Variants in RTN4 observed in about 807,000 individuals in gnomAD.
The protein encoded by RTN4 is reticulon 4, also known as reticulon-4.
RTN4 carries 32 observed loss-of-function variants against 90.4 expected under a neutral mutation model. That is an observed-to-expected ratio of 0.35 (90% CI 0.27 to 0.48). The LOEUF (loss-of-function observed/expected upper bound fraction) is 0.48, where lower values mean the gene tolerates loss of function less well. Ranked by LOEUF, RTN4 falls within the 20% of genes least tolerant of loss-of-function variation. RTN4 has a pLI of 0.99. For synonymous variants in RTN4, 629 were observed against 552.5 expected (o/e 1.14, Z -1.94); for missense variants, 1,706 against 1,430.2 (o/e 1.19, Z -3.11).
chr2:55,054,845 C>A (rs1250194672), upstream of RTN4, among the ~76,000 whole-genome samples: 6 of 152,220 alleles, frequency 3.9e-5, no homozygotes, highest in East Asian at 1.2e-3. Flanking sequence ...AAGTTGTTGT[C>A]CCTATCATTT....
chr2:55,016,339 T>G (rs1681035077), intron 3 of RTN4, among the ~76,000 whole-genome samples: 1 of 152,202 alleles, frequency 6.6e-6, no homozygotes, highest in Non-Finnish European at 1.5e-5. Flanking sequence ...TCCCAGCACT[T>G]TGGGAGGCCA....
intron 1 of RTN4, chr2:55,112,448 T>G (rs1329075364): frequency 6.6e-5 from 10 of 152,298 alleles, no homozygotes. Context: ...TTAGAGCAGC[T>G]GCACTTTCCA....
chr2:55,063,290 G>A (rs1480038095), intron 2 of RTN4, among the ~76,000 whole-genome samples: 1 of 152,234 alleles, frequency 6.6e-6, no homozygotes, highest in African/African-American at 2.4e-5. Context: ...TTCGCAAGGA[G>A]GTTACATTTA....
intron 3 of RTN4, among the ~76,000 whole-genome samples, chr2:54,994,232 A>ACT (rs1448326158): frequency 6.6e-6 from 1 of 152,212 alleles, no homozygotes; most frequent in African/African-American, 2.4e-5. Flanking sequence ...TTAACTTAGA[A>ACT]GTTTGTTCAA....
chr2:54,973,810 T>A lies in RTN4; in HGVS notation c.3477+11A>T. 2 of 1,612,282 alleles carry A rather than the reference T, an allele frequency of 1.2e-6. No homozygotes were observed. Among genetic ancestry groups the A allele is most frequent in the Middle Eastern group, 1.7e-4 (1 of 6,054 alleles). ...CTCTATTCTGAAGTCAGCAGTTAGT[T>A]AGGAAATTACCTGATGCCGTTCATA... On this transcript the variant is annotated intron_variant, in intron 7 of 8. Transcript: ENST00000337526.
At chr2:54,973,943 A>G in intron 6 of RTN4, 76 bp from the exon 7 acceptor site, 1 of 1,275,082 alleles carries the variant, frequency 7.8e-7, no homozygotes, top group Non-Finnish European at 1.1e-6. Flanking sequence ...AAACTATTAA[A>G]CTGGCAACTC....
chr2:55,133,250 T>C, the RTN4 span, among the ~76,000 whole-genome samples: 42 of 152,144 alleles, frequency 2.8e-4, no homozygotes, highest in African/African-American at 8.2e-4. Flanking sequence ...TGTGGGTACA[T>C]AGTAAGTATA....
chr2:55,106,401 TTTG>T (rs1337090870), intron 1 of RTN4, among the ~76,000 whole-genome samples: 1 of 152,094 alleles, frequency 6.6e-6, no homozygotes, highest in East Asian at 1.9e-4. Context: ...TGGGACTGAG[TTTG>T]TTATCTTTGT....
intron 3 of RTN4, among the ~76,000 whole-genome samples, chr2:55,001,930 T>C (rs1329616051): frequency 6.6e-6 from 1 of 152,196 alleles, no homozygotes; most frequent in Non-Finnish European, 1.5e-5. Context: ...CCTCTATGTA[T>C]TCTAAAACCT....
chr2:54,975,048 G>A (rs1158045424), intron 5 of RTN4, among the ~76,000 whole-genome samples: 1 of 152,164 alleles, frequency 6.6e-6, no homozygotes, highest in Non-Finnish European at 1.5e-5. Context: ...TACCCCTCCA[G>A]CCCTAACAAC....
At chr2:55,067,835 T>A (rs1371565483) in intron 2 of RTN4, among the ~76,000 whole-genome samples, 1 of 152,256 alleles carries the variant, frequency 6.6e-6, no homozygotes, top group Non-Finnish European at 1.5e-5. Context: ...TAAGTTAAAA[T>A]AGATTTTAAA....
chr2:55,009,958 A>G, intron 3 of RTN4: 1 of 1,009,626 alleles, frequency 9.9e-7, no homozygotes, highest in East Asian at 2.5e-5. Context: ...AGCCGTTTTA[A>G]TCCTTTAGAC....
intron 2 of RTN4, among the ~76,000 whole-genome samples, chr2:55,063,228 A>G (rs1314900534): frequency 6.6e-6 from 1 of 152,252 alleles, no homozygotes; most frequent in African/African-American, 2.4e-5. Context: ...TTTTAAAAAA[A>G]TAGAAGATGG....
intron 7 of RTN4, 77 bp downstream of exon 7, chr2:54,973,744 G>A: frequency 6.6e-7 from 1 of 1,506,516 alleles, no homozygotes. Context: ...ATTGAAAATG[G>A]GCACTAATAC....
intron 3 of RTN4, among the ~76,000 whole-genome samples, chr2:54,998,443 A>G (rs1679615168): frequency 6.6e-6 from 1 of 152,214 alleles, no homozygotes; most frequent in Non-Finnish European, 1.5e-5. Flanking sequence ...TGAATACCTT[A>G]TGACAGGTCA....
the RTN4 span, among the ~76,000 whole-genome samples, chr2:55,129,742 T>C: frequency 2.0e-5 from 3 of 152,118 alleles, no homozygotes; most frequent in East Asian, 3.9e-4. Flanking sequence ...TTTGTGTTTG[T>C]AGTAGAGACA....
upstream of RTN4, chr2:55,050,561 T>G (rs1263927252): frequency 3.2e-6 from 1 of 313,414 alleles, no homozygotes; most frequent in Non-Finnish European, 5.9e-6. The surrounding 1 kb of genome is among the most constrained non-coding windows in gnomAD (Gnocchi z 4.6). Context: ...TCCGCCCAGT[T>G]TGGCGTGACT....
At chr2:54,986,230 T>C (rs1002424676) in intron 4 of RTN4, among the ~76,000 whole-genome samples, 1 of 152,146 alleles carries the variant, frequency 6.6e-6, no homozygotes, top group Admixed American at 6.5e-5. Flanking sequence ...AAAGTGGTAC[T>C]TCTAGAAAAA....
intron 2 of RTN4, among the ~76,000 whole-genome samples, chr2:55,055,980 ATGTGTT>A (rs1458759363): frequency 2.0e-5 from 2 of 98,324 alleles, no homozygotes; most frequent in Non-Finnish European, 3.9e-5. Flanking sequence ...ATATACATAT[ATGTGTT>A]TGTGTGTGTG....
Sources: gnomAD v4.1 joint callset for allele counts (sites outside exome capture counted in the v4.1 genomes callset) on GRCh38, gnomAD v4.1.1 for gene constraint, Gnocchi (gnomAD v3.1) non-coding constraint, MANE v1.5 for transcripts, NCBI Gene and HGNC (gene_info 2026-07-23, HGNC 2026-07-21) for gene names.